The following ZNF717 variants were observed in gnomAD, a reference collection of about 807,000 sequenced individuals.
The protein encoded by ZNF717 is krueppel-like factor X17.
ZNF717 carries 9 observed loss-of-function variants against 13.8 expected under a neutral mutation model. That is an observed-to-expected ratio of 0.65 (90% CI 0.39 to 1.14). The LOEUF (loss-of-function observed/expected upper bound fraction) is 1.14, where lower values mean the gene tolerates loss of function less well. Ranked by LOEUF, ZNF717 falls within the 50% of genes most tolerant of loss-of-function variation. The probability of loss-of-function intolerance (pLI) is 0.01; values close to 1 mark genes in which losing one functional copy is unlikely to be tolerated. For missense variants in ZNF717, 1,040 were observed against 1,080.7 expected, an observed-to-expected ratio of 0.96 and a Z score of 0.53; for synonymous variants, 327 against 364.1, an observed-to-expected ratio of 0.90 and a Z score of 1.16.
At chr3:75,711,853 A>G (rs1937946055) in intron 5 of ZNF717, among the ~76,000 whole-genome samples, 1 of 152,360 alleles carries the variant, frequency 6.6e-6, no homozygotes, top group South Asian at 2.1e-4. Flanking sequence ...GAAATTTTCA[A>G]AACAACTGTG....
At chr3:75,742,321 CAAAAAAAAA>C (rs369657631) in intron 2 of ZNF717, among the ~76,000 whole-genome samples, 2 of 56,532 alleles carry the variant, frequency 3.5e-5, no homozygotes, top group Admixed American at 2.1e-4. Context: ...GCCTACCTCT[CAAAAAAAAA>C]AAAAAAAAAG....
chr3:75,713,117 C>G (rs75449965), intron 5 of ZNF717, among the ~76,000 whole-genome samples: 1 of 151,704 alleles, frequency 6.6e-6, no homozygotes, highest in Non-Finnish European at 1.5e-5. Context: ...GTTCCCCCAC[C>G]CCACAAAAAG....
At chr3:75,772,524 C>T (rs551027508) in intron 2 of ZNF717, among the ~76,000 whole-genome samples, 1 of 152,362 alleles carries the variant, frequency 6.6e-6, no homozygotes, top group East Asian at 1.9e-4. Flanking sequence ...CACTGCATTC[C>T]CTGATACCCA....
intron 2 of ZNF717, among the ~76,000 whole-genome samples, chr3:75,771,200 A>T (rs1460709164): frequency 6.6e-6 from 1 of 152,176 alleles, no homozygotes; most frequent in Admixed American, 6.5e-5. Flanking sequence ...AAATAAGGCA[A>T]ATGCTAAGCA....
chr3:75,700,714 G>A (rs1222614756), intron 6 of ZNF717, among the ~76,000 whole-genome samples: 122 of 152,400 alleles, frequency 8.0e-4, no homozygotes, highest in South Asian at 2.9e-3. Flanking sequence ...AATCAATAGG[G>A]CTGGGAAAAC....
chr3:75,737,303 T>C lies in ZNF717; in HGVS notation c.2320A>G (p.Ser774Gly). 6.4e-7 allele frequency: 1 copy of C among 1,552,742 alleles called. No homozygotes were observed. The highest frequency in any genetic ancestry group is 8.7e-7 in the Non-Finnish European group (1 of 1,147,680). ...GKTFCHKSNL[S>G]THQGTHSGEK... is the part of the protein sequence containing the mutation. ...CCTGAGTGAGTCCCCTGATGCGTAC[T>C]GAGGTTTGACTTGTGACAAAAGGTT... The change falls in exon 5 of 5, where the codon AGT (serine) becomes GGT (glycine). Residue 774 changes from serine to glycine, a missense_variant. Coordinates refer to ENST00000652011, the MANE Select transcript of ZNF717 (RefSeq NM_001290208.3).
At position 75,738,491 on chromosome 3, in the gene ZNF717, A is replaced by G. The variant is rs1247848990; in HGVS notation, c.1132T>C (p.Cys378Arg). The G allele has an allele frequency of 9.3e-5, 142 of 1,531,508 alleles. 1 individual carries two copies. The African/African-American group carries it at 1.9e-3, about 21-fold the overall frequency. The allele number at this position is 1,531,508 out of a possible 1,614,324, so 94.9% of individuals were successfully genotyped here. The part of the protein sequence containing the change: ...KCIECGKTFH[C>R]KSLLTLHHRT... ...TGATGTAAAGTGAGAAGTGACTTAC[A>G]GTGAAAAGTTTTTCCACATTCAATA... Residue 378 changes from cysteine to arginine, a missense_variant, in exon 5 of 5, where the codon TGT becomes CGT. This residue lies in a region of ZNF717 where 873 missense variants were observed against 832.8 expected (regional missense o/e 1.05). Transcript: ENST00000652011.
chr3:75,701,823 A>T (rs1294943435), intron 6 of ZNF717, among the ~76,000 whole-genome samples: 1 of 151,352 alleles, frequency 6.6e-6, no homozygotes, highest in African/African-American at 2.5e-5. Context: ...GTGGACAAAA[A>T]ATTTAAATAG....
At position 75,763,160 on chromosome 3, in the gene ZNF717, G is replaced by T. The variant is rs59304352; in HGVS notation, c.57+20146C>A. Among the ~76,000 whole-genome samples, 427 of 152,294 alleles carry T rather than the reference G, an allele frequency of 2.8e-3. 17 individuals carry two copies. In the East Asian group the frequency reaches 0.073, roughly 26 times the overall value. On this transcript the variant is annotated intron_variant, in intron 2 of 4. Transcript: ENST00000652011. ...TAATTTTTAGGATATGACATTAAAA[G>T]CTCAGGCAGTAAAATCAAAAACATA...
intron 2 of ZNF717, among the ~76,000 whole-genome samples, chr3:75,776,290 C>A (rs1207122332): frequency 6.6e-6 from 1 of 152,226 alleles, no homozygotes; most frequent in Non-Finnish European, 1.5e-5. Flanking sequence ...AGTTTATAAC[C>A]AATGTTTGGT....
intron 2 of ZNF717, among the ~76,000 whole-genome samples, chr3:75,761,926 C>T (rs1360576001): frequency 6.6e-6 from 1 of 152,200 alleles, no homozygotes; most frequent in Non-Finnish European, 1.5e-5. Flanking sequence ...TAGTGGCAGA[C>T]ACCTGTAGTC....
exon 6 of ZNF717, chr3:75,710,442 T>C (rs1937907863): frequency 6.6e-6 from 1 of 152,246 alleles, no homozygotes; most frequent in Non-Finnish European, 1.5e-5. Context: ...AAGCTATTGA[T>C]TGTGAATTTT....
At chr3:75,769,614 T>C (rs949104520) in intron 2 of ZNF717, among the ~76,000 whole-genome samples, 3 of 152,188 alleles carry the variant, frequency 2.0e-5, no homozygotes, top group Non-Finnish European at 4.4e-5. Context: ...CATGTGGAGA[T>C]TTATATTGAG....
intron 2 of ZNF717, among the ~76,000 whole-genome samples, chr3:75,758,598 G>A (rs1311541870): frequency 2.0e-5 from 3 of 152,196 alleles, no homozygotes; most frequent in Admixed American, 1.3e-4. Flanking sequence ...ATTCTTTTGT[G>A]AAAGGGAGAG....
intron 5 of ZNF717, among the ~76,000 whole-genome samples, chr3:75,715,069 A>C (rs1938019689): frequency 6.6e-6 from 1 of 152,222 alleles, no homozygotes; most frequent in South Asian, 2.1e-4. Flanking sequence ...CAAAATGTAA[A>C]ACATGGCTAA....
chr3:75,742,584 C>T (rs1940618344), intron 2 of ZNF717, among the ~76,000 whole-genome samples: 1 of 152,132 alleles, frequency 6.6e-6, no homozygotes, highest in African/African-American at 2.4e-5. Context: ...TATCAGAAGT[C>T]TACTCACAAA....
chr3:75,718,623 T>C (rs1302708406), intron 4 of ZNF717, among the ~76,000 whole-genome samples: 1 of 152,186 alleles, frequency 6.6e-6, no homozygotes, highest in Non-Finnish European at 1.5e-5. Context: ...TTTCCACAGA[T>C]GGCAGGGAGG....
chr3:75,724,291 ATCTCTT>A (rs1227702948), intron 4 of ZNF717, among the ~76,000 whole-genome samples: 2 of 151,642 alleles, frequency 1.3e-5, no homozygotes, highest in Admixed American at 6.6e-5. Flanking sequence ...CTTTTCCTCT[ATCTCTT>A]TGTCTTGTGT....
Position 75,764,745 on chromosome 3 carries a change from C to A in ZNF717, c.57+18561G>T, listed in dbSNP as rs922223139. The stretch of plus-strand genomic sequence containing the variant: ...CAATGGGACATCACTTCAAACCCAA[C>A]AGAAAGTAACAAGTGCAGGTGAAAC... On this transcript the variant is annotated intron_variant, in intron 2 of 4. Coordinates refer to ENST00000652011, the MANE Select transcript of ZNF717 (RefSeq NM_001290208.3). Among the ~76,000 whole-genome samples the A allele has an allele frequency of 1.4e-4, 21 of 152,174 alleles. No individual in the cohort carries two copies. In the East Asian group the frequency reaches 3.7e-3, roughly 27 times the overall value.
Sources: allele counts gnomAD v4.1 joint callset (sites outside exome capture counted in the v4.1 genomes callset), GRCh38; gene constraint gnomAD v4.1.1; regional missense constraint gnomAD v4.1.1; transcripts MANE v1.5; gene names NCBI Gene and HGNC (gene_info 2026-07-23, HGNC 2026-07-21).